Variants in ZNF569 observed in about 807,000 individuals in gnomAD.
The protein encoded by ZNF569 is DNA-binding protein.
Under a neutral mutation model 56.3 loss-of-function variants are expected in ZNF569, and 38 were observed. The ratio of observed to expected loss-of-function variants is 0.68; its 90% CI spans 0.52 to 0.88. ZNF569 has a LOEUF of 0.88. Ranked by LOEUF, ZNF569 falls within the 40% of genes least tolerant of loss-of-function variation. The pLI is 0.00. For missense variants in ZNF569, 666 were observed against 809.2 expected (o/e 0.82, Z 2.15); for synonymous variants, 241 against 262.9 (o/e 0.92, Z 0.81).
intron 1 of ZNF569, among the ~76,000 whole-genome samples, chr19:37,466,163 T>C (rs557712587): frequency 2.6e-5 from 4 of 152,350 alleles, no homozygotes; most frequent in Non-Finnish European, 5.9e-5. Context: ...ATGATTTTTG[T>C]TCTTCGAGCT....
chr19:37,434,828 C>T (rs1174813002), intron 3 of ZNF569, among the ~76,000 whole-genome samples: 4 of 152,182 alleles, frequency 2.6e-5, no homozygotes, highest in East Asian at 1.9e-4. Context: ...GTGAAATCCA[C>T]CCCCTGCCCG....
At chr19:37,453,120 A>G (rs2041620910) in intron 2 of ZNF569, among the ~76,000 whole-genome samples, 1 of 152,110 alleles carries the variant, frequency 6.6e-6, no homozygotes, top group African/African-American at 2.4e-5. Context: ...TTTTCAGCCA[A>G]TTCTCTGGAG....
rs1568711625 is a variant in ZNF569, at chr19:37,413,399, C to CTGAAGGCTTT, written c.1249_1258dup (p.Ser420LysfsTer18). ...GTGTGTAATGAAGTTTTTCTTGTGG[C>CTGAAGGCTTT]TGAAGGCTTTTCTGCATTCCTTACA... On this transcript the variant is annotated frameshift_variant, in exon 6 of 6. Coordinates refer to ENST00000316950, the MANE Select transcript of ZNF569 (RefSeq NM_152484.3). LOFTEE classifies it high-confidence loss of function. 1.2e-6 allele frequency: 2 copies of CTGAAGGCTTT among 1,612,632 alleles called. No individual in the cohort carries two copies. The highest frequency in any genetic ancestry group is 1.7e-6 in the Non-Finnish European group (2 of 1,179,564).
In ZNF569 at chr19:37,413,515, G is replaced by A. The variant is rs146090389; in HGVS notation, c.1143C>T (p.Pro381=). ...IHVRIHTGEK[P]YECNECGKAF... is the part of the protein sequence containing the mutation. ...CTTTTCCACACTCATTACATTCATAGGGTTTTTCACCTGTATGAATTCTAA... is the reference window on the plus strand; with the variant it reads ...CTTTTCCACACTCATTACATTCATAAGGTTTTTCACCTGTATGAATTCTAA... The change falls in exon 6 of 6, where the codon CCC becomes CCT. Residue 381 remains proline, a synonymous_variant. Coordinates refer to ENST00000316950, the MANE Select transcript of ZNF569 (RefSeq NM_152484.3). The A allele has an allele frequency of 5.0e-5, 80 of 1,612,954 alleles. No homozygotes were observed. In the East Asian group the frequency reaches 1.7e-3, roughly 35 times the overall value.
intron 5 of ZNF569, among the ~76,000 whole-genome samples, chr19:37,418,861 C>T (rs949118447): frequency 6.6e-6 from 1 of 152,126 alleles, no homozygotes; most frequent in African/African-American, 2.4e-5. Context: ...ACAAGGATAT[C>T]AAGCAAAAGT....
chr19:37,442,973 C>T lies in ZNF569; in HGVS notation c.15+1934G>A, dbSNP rs142998680. Among the ~76,000 whole-genome samples, 54 of 152,238 alleles carry T rather than the reference C, an allele frequency of 3.5e-4. No homozygotes were observed. In the East Asian group the frequency reaches 5.2e-3, roughly 15 times the overall value. On this transcript the variant is annotated intron_variant, in intron 3 of 5. Transcript: ENST00000316950. ...TCTGTATTTCTTCACTGAGTGTGTG[C>T]GCTGTGTTACACAGGTATGTTCATT...
chr19:37,444,865 T>G (rs774201132), intron 3 of ZNF569, 42 bp downstream of exon 3: 3 of 1,512,590 alleles, frequency 2.0e-6, no homozygotes, highest in Non-Finnish European at 2.7e-6. Context: ...TAAATTGCAT[T>G]GGAGAGTAAG....
chr19:37,416,930 G>A (rs1049591386), intron 5 of ZNF569, among the ~76,000 whole-genome samples: 1 of 152,196 alleles, frequency 6.6e-6, no homozygotes, highest in African/African-American at 2.4e-5. Flanking sequence ...CTAACTCCTA[G>A]TGCCTCAGAA....
intron 2 of ZNF569, among the ~76,000 whole-genome samples, chr19:37,452,629 A>C (rs1024201415): frequency 1.3e-5 from 2 of 151,984 alleles, no homozygotes; most frequent in East Asian, 3.9e-4. Flanking sequence ...AGCTCTTTGA[A>C]TATATCATTC....
chr19:37,460,793 A>C (rs2041746161), intron 2 of ZNF569, among the ~76,000 whole-genome samples: 1 of 151,830 alleles, frequency 6.6e-6, no homozygotes, highest in Non-Finnish European at 1.5e-5. Flanking sequence ...AAGGGATGAG[A>C]CTGGTGGCCT....
intron 3 of ZNF569, chr19:37,427,864 A>T: frequency 2.0e-6 from 1 of 507,164 alleles, no homozygotes; most frequent in South Asian, 1.5e-5. Flanking sequence ...AGAAAGCATG[A>T]TGTGGAAATC....
At chr19:37,461,355 G>A (rs1178460769) in intron 2 of ZNF569, among the ~76,000 whole-genome samples, 1 of 148,798 alleles carries the variant, frequency 6.7e-6, no homozygotes, top group African/African-American at 2.5e-5. Flanking sequence ...CTGTCAGGCT[G>A]GAGTACAATG....
At chr19:37,415,870 ACT>A (rs1480728236) in intron 5 of ZNF569, among the ~76,000 whole-genome samples, 5 of 150,832 alleles carry the variant, frequency 3.3e-5, no homozygotes, top group East Asian at 2.0e-4. Flanking sequence ...ACAGAGTGAG[ACT>A]CTGTCTCAAA....
rs2041131867 is a variant in ZNF569 at position 37,426,311 on chromosome 19, G to C, written c.83C>G (p.Ala28Gly). The C allele has an allele frequency of 6.2e-7, 1 of 1,613,750 alleles. No individual in the cohort carries two copies. ...CACATTCCGGTACAGTTTTCTCTGAGCAGGATCCAATCTCTTCCACTCCTC... is the reference window on the plus strand; with the variant it reads ...CACATTCCGGTACAGTTTTCTCTGACCAGGATCCAATCTCTTCCACTCCTC... ...TQEEWKRLDP[A>G]QRKLYRNVML... Residue 28 changes from alanine to glycine, a missense_variant, in exon 4 of 6, where the codon GCT (alanine) becomes GGT (glycine). Transcript: ENST00000316950.
At chr19:37,441,422 G>A (rs980870851) in intron 3 of ZNF569, among the ~76,000 whole-genome samples, 4 of 152,156 alleles carry the variant, frequency 2.6e-5, no homozygotes, top group Non-Finnish European at 4.4e-5. Context: ...TTGGGAGGCC[G>A]AGAGGCAGGA....
chr19:37,425,612 T>G (rs2041117809), intron 5 of ZNF569: 1 of 252,764 alleles, frequency 4.0e-6, no homozygotes, highest in African/African-American at 2.3e-5. Flanking sequence ...CAAGCCACTG[T>G]GCCAGGCCCA....
At chr19:37,445,171 C>T (rs549595718) in intron 2 of ZNF569, among the ~76,000 whole-genome samples, 20 of 152,236 alleles carry the variant, frequency 1.3e-4, no homozygotes, top group Admixed American at 7.8e-4. Flanking sequence ...TGGATAGAAA[C>T]AGGGGTGCGT....
chr19:37,455,929 C>G (rs1357703580), intron 2 of ZNF569, among the ~76,000 whole-genome samples: 1 of 152,196 alleles, frequency 6.6e-6, no homozygotes, highest in African/African-American at 2.4e-5. Flanking sequence ...CCAGTTGCAA[C>G]TACAGGAATC....
In ZNF569 at chr19:37,414,277, A is replaced by G. The variant is rs1600285677; in HGVS notation, c.381T>C (p.Ser127=). 1 of 1,613,712 alleles carries G rather than the reference A, an allele frequency of 6.2e-7. No individual in the cohort carries two copies. Among genetic ancestry groups the G allele is most frequent in the Non-Finnish European group, 8.5e-7 (1 of 1,179,800 alleles). The change falls in exon 6 of 6, where the codon TCT becomes TCC. Residue 127 remains serine (S), a synonymous_variant. Coordinates refer to ENST00000316950, the MANE Select transcript of ZNF569 (RefSeq NM_152484.3). ...GATTGTGTCTGGAAGGGAAAAAATC[A>G]GAGTTCAGAGGAAATACATTTGCAA... ...KKFANVFPLN[S]DFFPSRHNLY... is the part of the protein sequence containing the mutation.
Sources: allele counts gnomAD v4.1 joint callset (sites outside exome capture counted in the v4.1 genomes callset), GRCh38; gene constraint gnomAD v4.1.1; transcripts MANE v1.5; gene names NCBI Gene and HGNC (gene_info 2026-07-23, HGNC 2026-07-21).